The following PRPSAP1 variants were observed in gnomAD, a reference collection of about 807,000 sequenced individuals.
PRPSAP1 encodes the protein phosphoribosyl pyrophosphate synthase-associated protein 1.
In PRPSAP1, 31 loss-of-function variants were observed where a neutral mutation model predicts 39.4. The ratio of observed to expected loss-of-function variants is 0.79; its 90% CI spans 0.59 to 1.06. The LOEUF (loss-of-function observed/expected upper bound fraction) is 1.06, where lower values mean the gene tolerates loss of function less well. Ranked by LOEUF, PRPSAP1 falls within the 50% of genes least tolerant of loss-of-function variation. PRPSAP1 has a pLI of 0.00. For synonymous variants in PRPSAP1, 212 were observed against 192.6 expected (o/e 1.10, Z -0.83); for missense variants, 430 against 511.6 (o/e 0.84, Z 1.54).
chr17:76,314,813 C>G (rs2071106013), intron 7 of PRPSAP1: 2 of 152,248 alleles, frequency 1.3e-5, no homozygotes, highest in Admixed American at 6.6e-5. Flanking sequence ...AACGAACCAG[C>G]AGAGCATGGA....
At chr17:76,320,261 AAAGAAAAG>A (rs1240668516) in intron 7 of PRPSAP1, among the ~76,000 whole-genome samples, 7 of 92,338 alleles carry the variant, frequency 7.6e-5, no homozygotes, top group Admixed American at 2.4e-4. Flanking sequence ...GACAAGAAAG[AAAGAAAAG>A]AAAGAAAGAA....
chr17:76,338,106 A>G (rs2071397857), intron 3 of PRPSAP1, among the ~76,000 whole-genome samples: 4 of 152,172 alleles, frequency 2.6e-5, no homozygotes, highest in Admixed American at 1.3e-4. Flanking sequence ...GCTTTTTGCC[A>G]TTTCCAAAAA....
At position 76,344,733 on chromosome 17, in the gene PRPSAP1, T is replaced by C; in HGVS notation, c.228A>G (p.Thr76=). Residue 76 remains threonine (T), a synonymous_variant, in exon 3 of 10, where the codon ACA becomes ACG. Transcript: ENST00000446526. ...GAACAGATTCTTTTATTTCAACTCTTGTTTCTGAAAAATAAAAATGTTCTG... is the reference window on the plus strand; with the variant it reads ...GAACAGATTCTTTTATTTCAACTCTCGTTTCTGAAAAATAAAAATGTTCTG... The part of the protein sequence containing the change: ...SVVYQETNGE[T]RVEIKESVRG... The C allele has an allele frequency of 6.4e-7, 1 of 1,565,268 alleles. No individual in the cohort carries two copies. The highest frequency in any genetic ancestry group is 8.7e-7 in the Non-Finnish European group (1 of 1,147,808).
chr17:76,334,936 G>GC, intron 3 of PRPSAP1, among the ~76,000 whole-genome samples: 2 of 152,190 alleles, frequency 1.3e-5, no homozygotes, highest in Non-Finnish European at 2.9e-5. Context: ...TATTTAGGGG[G>GC]CAACTTGAGG....
In PRPSAP1 at chr17:76,353,621, G is replaced by T. The variant is rs751998561; in HGVS notation, c.83C>A (p.Pro28Gln). 2 of 1,552,156 alleles carry T rather than the reference G, an allele frequency of 1.3e-6. No homozygotes were observed. The highest frequency in any genetic ancestry group is 1.7e-6 in the Non-Finnish European group (2 of 1,154,692). ...RVPRARPVPP[P>Q]AMNAARTGYR... ...GCCGGTGCGAGCGGCGTTCATGGCC[G>T]GCGGGGGAACGGGGCGGGCGCGCGG... is the stretch of plus-strand genomic sequence containing the variant. Residue 28 changes from proline to glutamine, a missense_variant, in exon 1 of 10, where the codon CCG becomes CAG. Physicochemically the swap from Pro to Gln is moderately conservative, Grantham distance 76 (BLOSUM62 -1). Around this residue, in one of 2 missense-constraint regions of PRPSAP1, gnomAD observed 152 missense variants for 135.2 expected, o/e 1.12. Coordinates refer to ENST00000446526, the MANE Select transcript of PRPSAP1 (RefSeq NM_002766.3).
intron 1 of PRPSAP1, among the ~76,000 whole-genome samples, chr17:76,351,461 G>A (rs1334214429): frequency 6.6e-6 from 1 of 152,098 alleles, no homozygotes; most frequent in Non-Finnish European, 1.5e-5. Flanking sequence ...CCTGCAGTGA[G>A]CCGAGATCGC....
intron 1 of PRPSAP1, among the ~76,000 whole-genome samples, chr17:76,350,507 G>T (rs1242634904): frequency 3.9e-5 from 6 of 152,094 alleles, no homozygotes; most frequent in Non-Finnish European, 7.3e-5. Context: ...GGTATGCTGA[G>T]GAAAATAAGC....
chr17:76,314,619 C>T (rs2071103736), intron 7 of PRPSAP1: 1 of 152,382 alleles, frequency 6.6e-6, no homozygotes, highest in Admixed American at 6.5e-5. Context: ...ATCCTCCTAC[C>T]TCAGCCTCCC....
chr17:76,320,225 G>C (rs189647548), intron 7 of PRPSAP1, among the ~76,000 whole-genome samples: 1 of 150,888 alleles, frequency 6.6e-6, no homozygotes, highest in African/African-American at 2.4e-5. Context: ...AGCTGAGATA[G>C]TGCCAGTGCA....
Position 76,332,248 on chromosome 17 carries a change from C to G in PRPSAP1, c.463+15G>C, listed in dbSNP as rs762128415. ...AGGATCATGCTGGAACCCCAGGGCC[C>G]CCGCGCACACTCACCTGCTTTCGCC... On this transcript the variant is annotated intron_variant, in intron 4 of 9. Coordinates refer to ENST00000446526, the MANE Select transcript of PRPSAP1 (RefSeq NM_002766.3). 1 of 1,612,576 alleles carries G rather than the reference C, an allele frequency of 6.2e-7. No homozygotes were observed. The highest frequency in any genetic ancestry group is 1.1e-5 in the South Asian group (1 of 91,022).
In PRPSAP1 at chr17:76,332,289, A is replaced by T; in HGVS notation, c.437T>A (p.Leu146Gln). 1 of 1,614,150 alleles carries T rather than the reference A, an allele frequency of 6.2e-7. No homozygotes were observed. Among genetic ancestry groups the T allele is most frequent in the Non-Finnish European group, 8.5e-7 (1 of 1,180,030 alleles). Reference sequence around the variant, plus strand: ...TGCTTTCGCCAGCATGGATGCTAGCAGCTTGCACACAATGGAACCCCTCTT... The same window carrying T: ...TGCTTTCGCCAGCATGGATGCTAGCTGCTTGCACACAATGGAACCCCTCTT... ...MRKRGSIVCKLLASMLAKAGL... is the reference protein window; with the variant it reads ...MRKRGSIVCKQLASMLAKAGL... Residue 146 changes from leucine to glutamine, a missense_variant, in exon 4 of 10, where the codon CTG becomes CAG. Transcript: ENST00000446526.
intron 7 of PRPSAP1, chr17:76,314,173 T>C (rs559108705): frequency 4.7e-6 from 2 of 426,774 alleles, no homozygotes; most frequent in African/African-American, 4.1e-5. Context: ...CCCAAAATAT[T>C]ATAATTTCAA....
intron 3 of PRPSAP1, among the ~76,000 whole-genome samples, chr17:76,337,576 A>G (rs1427323211): frequency 6.6e-6 from 1 of 152,120 alleles, no homozygotes; most frequent in Non-Finnish European, 1.5e-5. Flanking sequence ...AACTGTAACA[A>G]TTAATCATCT....
At chr17:76,341,766 C>T (rs1002893118) in intron 3 of PRPSAP1, among the ~76,000 whole-genome samples, 1 of 152,040 alleles carries the variant, frequency 6.6e-6, no homozygotes. Flanking sequence ...GGTGAAACCC[C>T]GTCTCTACTA....
intron 7 of PRPSAP1, among the ~76,000 whole-genome samples, chr17:76,320,333 G>GAGGGAAGA (rs1567799207): frequency 4.2e-5 from 3 of 71,762 alleles, no homozygotes; most frequent in South Asian, 5.2e-4. Flanking sequence ...AGAAGGGAGG[G>GAGGGAAGA]AGGGAGGGAG....
intron 7 of PRPSAP1, among the ~76,000 whole-genome samples, chr17:76,326,875 C>T (rs775191172): frequency 7.3e-5 from 11 of 151,426 alleles, no homozygotes; most frequent in East Asian, 5.8e-4. Flanking sequence ...CAAATATACA[C>T]GAAGGTATTT....
At chr17:76,353,199 C>T (rs2071598616) in intron 1 of PRPSAP1, 1 of 265,402 alleles carries the variant, frequency 3.8e-6, no homozygotes, top group Admixed American at 5.6e-5. Context: ...AAGCCAAGCC[C>T]TGAGCCCCTT....
intron 2 of PRPSAP1, among the ~76,000 whole-genome samples, chr17:76,346,879 T>A (rs1252389593): frequency 6.6e-6 from 1 of 151,096 alleles, no homozygotes. Context: ...CCGGGCGACA[T>A]CCTTATTATT....
intron 7 of PRPSAP1, among the ~76,000 whole-genome samples, chr17:76,321,629 G>A (rs2071199649): frequency 6.6e-6 from 1 of 152,040 alleles, no homozygotes; most frequent in Non-Finnish European, 1.5e-5. Context: ...TATTCCCTGA[G>A]ACACAATATA....
Sources: allele counts gnomAD v4.1 joint callset (sites outside exome capture counted in the v4.1 genomes callset), GRCh38; gene constraint gnomAD v4.1.1; regional missense constraint gnomAD v4.1.1; transcripts MANE v1.5; gene names NCBI Gene and HGNC (gene_info 2026-07-23, HGNC 2026-07-21).